Variants in UBR4 observed in about 807,000 individuals in gnomAD.
UBR4 encodes E3 ubiquitin-protein ligase UBR4.
Under a neutral mutation model 575.6 loss-of-function variants are expected in UBR4, and 124 were observed. That is an observed-to-expected ratio of 0.22 (90% confidence interval 0.19 to 0.25). UBR4 has a LOEUF of 0.25. UBR4 is among the 10% of genes least tolerant of loss of function. UBR4 has a pLI of 1.00. For missense variants in UBR4, 4,818 were observed against 6,478.8 expected, an observed-to-expected ratio of 0.74 and a Z score of 8.80; for synonymous variants, 2,455 against 2,473.7, an observed-to-expected ratio of 0.99 and a Z score of 0.22.
chr1:19,127,664 T>A lies in UBR4; in HGVS notation c.9187A>T (p.Met3063Leu), dbSNP rs772932287. 36 of 1,614,044 alleles carry A rather than the reference T, an allele frequency of 2.2e-5. No homozygotes were observed. Among genetic ancestry groups the A allele is most frequent in the Non-Finnish European group, 2.9e-5 (34 of 1,180,022 alleles). ...LVVMRLLSVF[M>L]SRTKSGSKSS... ...TTGGATCCAGATTTGGTGCGGGACATGAAGACACTCAGGAGTCTCATTACT... is the reference window on the plus strand; with the variant it reads ...TTGGATCCAGATTTGGTGCGGGACAAGAAGACACTCAGGAGTCTCATTACT... Residue 3063 changes from methionine to leucine, a missense_variant, in exon 63 of 106, where the codon ATG becomes TTG. By Grantham distance (15) the Met-to-Leu change is conservative. Transcript: ENST00000375254.
rs754996395 is a variant in UBR4, at chr1:19,086,186, T to A, written c.14772A>T (p.Gly4924=). The A allele has an allele frequency of 3.1e-6, 5 of 1,613,898 alleles. No individual in the cohort carries two copies. Among genetic ancestry groups the A allele is most frequent in the Non-Finnish European group, 4.2e-6 (5 of 1,179,980 alleles). The stretch of plus-strand genomic sequence containing the variant: ...CAAAAGCTGATTCAGGGACATGAGG[T>A]CCCCAGACCGGAAGGAGCCCGTTGC... ...TKCNGLLPVW[G]PHVPESAFAT... is the part of the protein sequence containing the mutation. The change falls in exon 101 of 106, where the codon GGA becomes GGT. Residue 4924 remains glycine (G), a synonymous_variant. Transcript: ENST00000375254.
At chr1:19,188,035 T>A (rs1249360119) in intron 11 of UBR4, among the ~76,000 whole-genome samples, 1 of 143,474 alleles carries the variant, frequency 7.0e-6, no homozygotes, top group Non-Finnish European at 1.5e-5. Context: ...AAAAATTAAA[T>A]AAATAAATAA....
chr1:19,095,870 C>T, intron 92 of UBR4: 1 of 493,936 alleles, frequency 2.0e-6, no homozygotes, highest in South Asian at 2.2e-5. Flanking sequence ...ATATCTCTAC[C>T]ATCTCTAATA....
rs2076835122 is a variant in UBR4, at chr1:19,084,668, G to C, written c.14844C>G (p.Gly4948=). 2 of 1,613,502 alleles carry C rather than the reference G, an allele frequency of 1.2e-6. No individual in the cohort carries two copies. The highest frequency in any genetic ancestry group is 1.1e-5 in the South Asian group (1 of 90,910). The change falls in exon 102 of 106, where the codon GGC becomes GGG. Residue 4948 remains glycine, a synonymous_variant. Coordinates refer to ENST00000375254, the MANE Select transcript of UBR4 (RefSeq NM_020765.3). ...TGAGCTGATACGTGGGCTCCCGCTG[G>C]CCTGTACATTCCTGGAGGTAAGTGT... The part of the protein sequence containing the change: ...RHNTYLQECT[G]QREPTYQLNI...
At chr1:19,118,090 A>G in intron 71 of UBR4, 180 bp from the exon 72 acceptor site, 1 of 577,926 alleles carries the variant, frequency 1.7e-6, no homozygotes, top group Non-Finnish European at 3.1e-6. Flanking sequence ...AAGCCACAGG[A>G]AAGAAATTTC....
At chr1:19,138,781 T>C (rs1043768354) in intron 59 of UBR4, among the ~76,000 whole-genome samples, 1 of 152,192 alleles carries the variant, frequency 6.6e-6, no homozygotes, top group African/African-American at 2.4e-5. Context: ...ATGCATATTA[T>C]CGCAGTTTCA....
rs2077218856 is a variant in UBR4, at chr1:19,088,451, T to C, written c.14430+308A>G. On this transcript the variant is annotated intron_variant, in intron 98 of 105. Transcript: ENST00000375254. The surrounding 1 kb of genome is among the most constrained non-coding windows in gnomAD (Gnocchi z 4.0). ...ACCTCTCAGTTTCAGTTACTTCATC[T>C]GGAAAATGGGTATAACAATATCAAC... is the stretch of plus-strand genomic sequence containing the variant. Among the ~76,000 whole-genome samples, 2 of 152,206 alleles carry C rather than the reference T, an allele frequency of 1.3e-5. No individual in the cohort carries two copies. Among genetic ancestry groups the C allele is most frequent in the South Asian group, 2.1e-4 (1 of 4,830 alleles).
chr1:19,189,544 C>G (rs977549923), intron 11 of UBR4, among the ~76,000 whole-genome samples: 1 of 152,100 alleles, frequency 6.6e-6, no homozygotes, highest in African/African-American at 2.4e-5. Context: ...ATACACTGAT[C>G]CCATTTTTGT....
At chr1:19,103,424 CGTG>C (rs1375815406) in intron 87 of UBR4, among the ~76,000 whole-genome samples, 5 of 152,014 alleles carry the variant, frequency 3.3e-5, no homozygotes, top group African/African-American at 1.2e-4. Context: ...ATTAGCTGGG[CGTG>C]GTGGTGCATG....
chr1:19,112,481 C>T (rs1460675575), intron 78 of UBR4, 43 bp downstream of exon 78: 2 of 1,556,694 alleles, frequency 1.3e-6, no homozygotes, highest in Non-Finnish European at 1.7e-6. Flanking sequence ...CTGCCAGTGT[C>T]AGTAGGAACC....
intron 100 of UBR4, 65 bp from the exon 101 acceptor site, chr1:19,086,335 C>CCG (rs2148694789): frequency 3.2e-4 from 1 of 3,152 alleles, no homozygotes; most frequent in South Asian, 9.8e-3. Context: ...GGCACCTGGG[C>CCG]GGGGGGGCGG....
intron 97 of UBR4, 128 bp downstream of exon 97, chr1:19,092,691 T>C (rs986790553): frequency 8.8e-6 from 6 of 679,252 alleles, no homozygotes; most frequent in Non-Finnish European, 1.4e-5. Context: ...ATAGATGAAG[T>C]AGATGACTTC....
Position 19,120,194 on chromosome 1 carries a change from T to G in UBR4, c.10296A>C (p.Thr3432=). 1 of 1,614,158 alleles carries G rather than the reference T, an allele frequency of 6.2e-7. No individual in the cohort carries two copies. The highest frequency in any genetic ancestry group is 8.5e-7 in the Non-Finnish European group (1 of 1,180,006). Residue 3432 remains threonine (T), a synonymous_variant, in exon 69 of 106, where the codon ACA becomes ACC. Transcript: ENST00000375254. ...CCTGGCCCTACCTGTAGATGTGCAG[T>G]GTCAGACAGTGGGCCTGCCAGCGCA... ...SSVRWQAHCL[T]LHIYRNSSKS...
rs561998074 is a variant in UBR4 at position 19,088,478 on chromosome 1, T to C, written c.14430+281A>G. Among the ~76,000 whole-genome samples the C allele has an allele frequency of 3.3e-5, 5 of 152,290 alleles. No individual in the cohort carries two copies. The South Asian group carries it at 1.0e-3, about 32-fold the overall frequency. ...GAAAATGGGTATAACAATATCAACCTCCTAGAACTACTTGAGGGCTTAAAT... is the reference window on the plus strand; with the variant it reads ...GAAAATGGGTATAACAATATCAACCCCCTAGAACTACTTGAGGGCTTAAAT... On this transcript the variant is annotated intron_variant, in intron 98 of 105. Transcript: ENST00000375254. This position sits in a 1 kb window ranked among gnomAD's most constrained non-coding sequence, Gnocchi z 4.0.
At chr1:19,085,596 G>T (rs1002979467) in intron 101 of UBR4, among the ~76,000 whole-genome samples, 2 of 152,176 alleles carry the variant, frequency 1.3e-5, no homozygotes, top group Non-Finnish European at 2.9e-5. Context: ...TTTATGACAG[G>T]CATCTTTTTA....
At chr1:19,181,214 G>C (rs915962516) in intron 17 of UBR4, among the ~76,000 whole-genome samples, 4 of 151,978 alleles carry the variant, frequency 2.6e-5, no homozygotes, top group African/African-American at 9.7e-5. Flanking sequence ...CCATCAGGAA[G>C]ACGGACGGAT....
intron 6 of UBR4, 65 bp from the exon 7 acceptor site, chr1:19,197,876 T>A: frequency 6.2e-7 from 1 of 1,612,272 alleles, no homozygotes; most frequent in Non-Finnish European, 8.5e-7. Flanking sequence ...CTTATCCATA[T>A]GACAGAAGCA....
chr1:19,078,117 A>G, intron 103 of UBR4, 51 bp from the exon 104 acceptor site: 1 of 1,580,026 alleles, frequency 6.3e-7, no homozygotes. Flanking sequence ...GAGGATACTC[A>G]CAAGGACAGA....
chr1:19,104,914 A>T, intron 85 of UBR4, 134 bp downstream of exon 85: 1 of 1,410,048 alleles, frequency 7.1e-7, no homozygotes, highest in Non-Finnish European at 9.6e-7. Context: ...TGAAGTCATA[A>T]AAATATTTCC....
Sources: gnomAD v4.1 joint callset for allele counts (sites outside exome capture counted in the v4.1 genomes callset) on GRCh38, gnomAD v4.1.1 for gene constraint, Gnocchi (gnomAD v3.1) non-coding constraint, MANE v1.5 for transcripts, NCBI Gene and HGNC (gene_info 2026-07-23, HGNC 2026-07-21) for gene names.